Variants in NEDD4L observed in about 807,000 individuals in gnomAD.
NEDD4L encodes the protein NEDD4 like E3 ubiquitin protein ligase.
NEDD4L carries 54 observed loss-of-function variants against 148.9 expected under a neutral mutation model. The observed-to-expected ratio is 0.36, with a 90% CI of 0.29 to 0.45. The LOEUF (loss-of-function observed/expected upper bound fraction) is 0.45, where lower values mean the gene tolerates loss of function less well. Among genes scored for constraint, NEDD4L ranks in the 20% least tolerant of loss-of-function variants. The pLI is 1.00. For synonymous variants in NEDD4L, 433 were observed against 440.7 expected (o/e 0.98, Z 0.22); for missense variants, 856 against 1,233.8 (o/e 0.69, Z 4.59).
rs766377475 is a variant in NEDD4L, at chr18:58,044,697, T to C, written c.37T>C (p.Ser13Pro). The change falls in exon 1 of 31, where the codon TCC becomes CCC. Residue 13 changes from serine to proline, a missense_variant. Around this residue, in one of 4 missense-constraint regions of NEDD4L, gnomAD observed 193 missense variants for 244.2 expected, o/e 0.79. Transcript: ENST00000400345. ...TGLGEPVYGLSEDEGESRILR... is the reference protein window; with the variant it reads ...TGLGEPVYGLPEDEGESRILR... Reference sequence around the variant, plus strand: ...GCTCGGGGAGCCGGTCTATGGACTTTCCGAAGACGAGGTGAGTGGCACCCC... The same window carrying C: ...GCTCGGGGAGCCGGTCTATGGACTTCCCGAAGACGAGGTGAGTGGCACCCC... 1 of 1,608,240 alleles carries C rather than the reference T, an allele frequency of 6.2e-7. No individual in the cohort carries two copies. Among genetic ancestry groups the C allele is most frequent in the Non-Finnish European group, 8.5e-7 (1 of 1,177,382 alleles).
intron 4 of NEDD4L, among the ~76,000 whole-genome samples, chr18:58,251,162 C>A (rs1006084136): frequency 3.9e-5 from 6 of 152,224 alleles, no homozygotes; most frequent in Middle Eastern, 3.4e-3. Context: ...AGTTATACAT[C>A]ATAGGATTGC....
intron 5 of NEDD4L, among the ~76,000 whole-genome samples, chr18:58,304,061 G>GT (rs2056796422): frequency 6.6e-6 from 1 of 152,044 alleles, no homozygotes; most frequent in Non-Finnish European, 1.5e-5. Flanking sequence ...ACGTTTGACA[G>GT]TTTTGGATTG....
chr18:58,364,989 C>T (rs1269931474), intron 20 of NEDD4L, among the ~76,000 whole-genome samples: 1 of 152,212 alleles, frequency 6.6e-6, no homozygotes, highest in Non-Finnish European at 1.5e-5. Flanking sequence ...CTTCAATTTT[C>T]TCCATCACTA....
chr18:58,252,686 A>C (rs2048074137), intron 5 of NEDD4L, among the ~76,000 whole-genome samples: 1 of 152,332 alleles, frequency 6.6e-6, no homozygotes, highest in Admixed American at 6.5e-5. Flanking sequence ...GAAGATCGAC[A>C]CATACATAAC....
In NEDD4L at chr18:58,396,397, T is replaced by C; in HGVS notation, c.*128T>C. On this transcript the variant is annotated 3_prime_UTR_variant, in exon 31 of 31. Coordinates refer to ENST00000400345, the MANE Select transcript of NEDD4L (RefSeq NM_001144967.3). ...AGGCATGGTCCCTGGAGCCGAGCCTTCACCACGCACTCGTCCAAGTTCGGA... is the reference window on the plus strand; with the variant it reads ...AGGCATGGTCCCTGGAGCCGAGCCTCCACCACGCACTCGTCCAAGTTCGGA... The C allele has an allele frequency of 1.6e-6, 1 of 637,484 alleles. No homozygotes were observed. The allele number at this position is 637,484 out of a possible 1,614,324, so 39.5% of individuals were successfully genotyped here. A position where few individuals can be genotyped will look rare whatever the true frequency, so the allele number is the denominator to read the frequency against.
At chr18:58,313,575 C>CA (rs1240055132) in intron 5 of NEDD4L, among the ~76,000 whole-genome samples, 1 of 152,226 alleles carries the variant, frequency 6.6e-6, no homozygotes, top group Non-Finnish European at 1.5e-5. Flanking sequence ...CACACAGTGT[C>CA]AGTTAAGGGC....
At chr18:58,195,633 T>TCGC (rs776932650) in intron 2 of NEDD4L, 9 of 1,349,772 alleles carry the variant, frequency 6.7e-6, no homozygotes, top group Non-Finnish European at 8.8e-6. Flanking sequence ...GGATTTCTCC[T>TCGC]CGCCGCCGTT....
chr18:58,349,683 A>T (rs970880855), intron 17 of NEDD4L, 69 bp downstream of exon 17: 1 of 1,259,512 alleles, frequency 7.9e-7, no homozygotes, highest in Non-Finnish European at 1.2e-6. Flanking sequence ...ATGTTGATGG[A>T]GAGGCCCTGT....
At chr18:58,368,147 T>G (rs2046356664) in intron 22 of NEDD4L, among the ~76,000 whole-genome samples, 1 of 152,210 alleles carries the variant, frequency 6.6e-6, no homozygotes, top group South Asian at 2.1e-4. Flanking sequence ...TGGAATAACT[T>G]TAGTGAAAGC....
At chr18:58,165,425 A>G (rs2036724648) in intron 1 of NEDD4L, among the ~76,000 whole-genome samples, 2 of 152,222 alleles carry the variant, frequency 1.3e-5, no homozygotes, top group African/African-American at 2.4e-5. Flanking sequence ...ATTATTTGTT[A>G]TATTTATGCA....
chr18:58,350,927 T>C, intron 17 of NEDD4L, 64 bp from the exon 18 acceptor site: 1 of 1,334,632 alleles, frequency 7.5e-7, no homozygotes, highest in Non-Finnish European at 1.1e-6. Flanking sequence ...AAATGTTGCC[T>C]TTGATTTCAG....
intron 1 of NEDD4L, among the ~76,000 whole-genome samples, chr18:58,135,211 T>A (rs1050491046): frequency 1.3e-5 from 2 of 152,146 alleles, no homozygotes; most frequent in Non-Finnish European, 2.9e-5. Flanking sequence ...GATAAATGAA[T>A]GAATGAATGA....
At chr18:58,307,658 G>A (rs1017032693) in intron 5 of NEDD4L, among the ~76,000 whole-genome samples, 2 of 152,188 alleles carry the variant, frequency 1.3e-5, no homozygotes, top group Non-Finnish European at 2.9e-5. Context: ...TCCCAACTAT[G>A]AGACAGCCAG....
chr18:58,137,705 G>GGT (rs1568269553), intron 1 of NEDD4L, among the ~76,000 whole-genome samples: 1 of 151,352 alleles, frequency 6.6e-6, no homozygotes, highest in South Asian at 2.1e-4. Context: ...TTAAGGATTT[G>GGT]TTTTTTTTTC....
chr18:58,206,716 A>C (rs1217916608), intron 2 of NEDD4L, among the ~76,000 whole-genome samples: 1 of 152,234 alleles, frequency 6.6e-6, no homozygotes, highest in Non-Finnish European at 1.5e-5. Context: ...AGAAATCCGC[A>C]GAAGTGAGAA....
chr18:58,172,177 TAGAGG>T (rs1274917971), intron 2 of NEDD4L, among the ~76,000 whole-genome samples: 6 of 151,860 alleles, frequency 4.0e-5, no homozygotes, highest in Admixed American at 2.6e-4. Context: ...CATCCTTCCA[TAGAGG>T]AGAGGTACAG....
chr18:58,302,369 AT>A (rs1460247720), intron 5 of NEDD4L, among the ~76,000 whole-genome samples: 3 of 152,142 alleles, frequency 2.0e-5, no homozygotes, highest in South Asian at 2.1e-4. Flanking sequence ...TTATGAAATT[AT>A]TTTTTAAGGG....
At chr18:58,200,233 A>G (rs1482541351) in intron 2 of NEDD4L, among the ~76,000 whole-genome samples, 1 of 152,222 alleles carries the variant, frequency 6.6e-6, no homozygotes, top group Non-Finnish European at 1.5e-5. Flanking sequence ...TTTATTTTCC[A>G]TTGCATTCAC....
Position 58,256,909 on chromosome 18 carries a change from C to A in NEDD4L, c.297+4855C>A. On this transcript the variant is annotated intron_variant, in intron 5 of 30. Coordinates refer to ENST00000400345, the MANE Select transcript of NEDD4L (RefSeq NM_001144967.3). This position sits in a 1 kb window ranked among gnomAD's most constrained non-coding sequence, Gnocchi z 5.2. ...AGGCCAGTGGATCTGAATGTTTGGC[C>A]GAGTTCTGGCACGATGATTTGTGGT... The A allele has an allele frequency of 1.3e-6, 1 of 774,964 alleles. No homozygotes were observed. Among genetic ancestry groups the A allele is most frequent in the Non-Finnish European group, 1.8e-6 (1 of 571,210 alleles). The allele number at this position is 774,964 out of a possible 1,614,324, so 48.0% of individuals were successfully genotyped here.
Sources: gnomAD v4.1 joint callset for allele counts (sites outside exome capture counted in the v4.1 genomes callset) on GRCh38, gnomAD v4.1.1 for gene constraint, gnomAD v4.1.1 regional missense constraint, Gnocchi (gnomAD v3.1) non-coding constraint, MANE v1.5 for transcripts, NCBI Gene and HGNC (gene_info 2026-07-23, HGNC 2026-07-21) for gene names.